Variants in HSDL2 observed in about 807,000 individuals in gnomAD.
HSDL2 encodes hydroxysteroid dehydrogenase-like protein 2.
In HSDL2, 27 loss-of-function variants were observed where a neutral mutation model predicts 46.3. The observed-to-expected ratio is 0.58, with a 90% confidence interval of 0.43 to 0.80. The LOEUF is 0.80. HSDL2 is among the 30% of genes least tolerant of loss of function. The pLI is 0.00. For missense variants in HSDL2, 451 were observed against 502.7 expected, an observed-to-expected ratio of 0.90 and a Z score of 0.98; for synonymous variants, 153 against 163.6, an observed-to-expected ratio of 0.94 and a Z score of 0.50.
chr9:112,429,807 T>C (rs1832342919), intron 6 of HSDL2, among the ~76,000 whole-genome samples: 1 of 152,170 alleles, frequency 6.6e-6, no homozygotes, highest in Non-Finnish European at 1.5e-5. Context: ...AGGTTTGGCA[T>C]TAGGCCAGGA....
intron 6 of HSDL2, among the ~76,000 whole-genome samples, chr9:112,437,885 T>G (rs985285057): frequency 1.3e-5 from 2 of 152,228 alleles, no homozygotes; most frequent in Non-Finnish European, 2.9e-5. Context: ...TGGTTTGGTC[T>G]GTAGTATAAG....
At position 112,416,820 on chromosome 9, in the gene HSDL2, T is replaced by A. The variant is rs1014870383; in HGVS notation, c.396-21T>A. Reference sequence around the variant, plus strand: ...TGTTAGAAAGCTATTAAATTTGGCTTGTATTTTCTTTTGCTTTCAGATCTA... The same window carrying A: ...TGTTAGAAAGCTATTAAATTTGGCTAGTATTTTCTTTTGCTTTCAGATCTA... On this transcript the variant is annotated intron_variant, in intron 4 of 10. Transcript: ENST00000398805. 8.4e-6 allele frequency: 10 copies of A among 1,191,522 alleles called. No individual in the cohort carries two copies. In the Admixed American group the frequency reaches 1.8e-4, roughly 22 times the overall value. The allele number at this position is 1,191,522 out of a possible 1,614,324, so 73.8% of individuals were successfully genotyped here. A position where few individuals can be genotyped will look rare whatever the true frequency, so the allele number is the denominator to read the frequency against.
At chr9:112,461,499 G>A (rs1474650790) in intron 10 of HSDL2, among the ~76,000 whole-genome samples, 2 of 152,120 alleles carry the variant, frequency 1.3e-5, no homozygotes, top group Non-Finnish European at 2.9e-5. Context: ...TTGGTGAATC[G>A]GAATCTTATA....
intron 4 of HSDL2, among the ~76,000 whole-genome samples, chr9:112,412,427 T>C (rs1482223272): frequency 1.3e-5 from 2 of 152,222 alleles, no homozygotes; most frequent in Non-Finnish European, 2.9e-5. Flanking sequence ...TTTAGACTTA[T>C]TAAAATCTAA....
Position 112,438,599 on chromosome 9 carries a change from A to T in HSDL2, c.767A>T (p.Asn256Ile). The T allele has an allele frequency of 1.9e-6, 3 of 1,599,404 alleles. No individual in the cohort carries two copies. The highest frequency in any genetic ancestry group is 2.6e-6 in the Non-Finnish European group (3 of 1,172,754). Residue 256 changes from asparagine to isoleucine, a missense_variant, in exon 7 of 11, where the codon AAT becomes ATT. Transcript: ENST00000398805. ...ATCTTAAAAGAAGAAGGAATAGAAA[A>T]TTTTGACGTTTATGCAATTAAACCA... Reference protein sequence around the residue: ...ENILKEEGIENFDVYAIKPGH... With the variant: ...ENILKEEGIEIFDVYAIKPGH...
intron 6 of HSDL2, among the ~76,000 whole-genome samples, chr9:112,426,380 C>T (rs1054873307): frequency 3.3e-5 from 5 of 152,006 alleles, no homozygotes; most frequent in African/African-American, 9.7e-5. Context: ...GGACTTCAGG[C>T]GCCTTTCACT....
intron 10 of HSDL2, among the ~76,000 whole-genome samples, chr9:112,466,801 A>G (rs1833404435): frequency 6.6e-6 from 1 of 152,078 alleles, no homozygotes; most frequent in Non-Finnish European, 1.5e-5. Flanking sequence ...AAGAGTTTTG[A>G]GTTTTACCTC....
At chr9:112,464,040 G>A (rs997231789) in intron 10 of HSDL2, among the ~76,000 whole-genome samples, 2 of 151,644 alleles carry the variant, frequency 1.3e-5, no homozygotes, top group Admixed American at 1.3e-4. Flanking sequence ...CTTATATTGG[G>A]TGAATTGTCT....
intron 8 of HSDL2, among the ~76,000 whole-genome samples, chr9:112,450,665 A>AT (rs1327576260): frequency 6.6e-6 from 1 of 151,834 alleles, no homozygotes; most frequent in Non-Finnish European, 1.5e-5. Context: ...TCAAAGAAAA[A>AT]TTTTAAAGTC....
intron 4 of HSDL2, among the ~76,000 whole-genome samples, chr9:112,412,711 T>C (rs563257528): frequency 6.6e-6 from 1 of 152,316 alleles, no homozygotes; most frequent in South Asian, 2.1e-4. Context: ...TGGAAGCCCA[T>C]TTGGCAAAAA....
In HSDL2 at chr9:112,435,901, A is replaced by AT. The variant is rs750527825; in HGVS notation, c.599-2520dup. On this transcript the variant is annotated intron_variant, in intron 6 of 10. Coordinates refer to ENST00000398805, the MANE Select transcript of HSDL2 (RefSeq NM_032303.5). ...GCTCTAGCCACAACATTCAGCTGCT[A>AT]TTTTTTTTTTATTATTAATAAAGGA... is the stretch of plus-strand genomic sequence containing the variant. Among the ~76,000 whole-genome samples, 549 of 148,736 alleles carry AT rather than the reference A, an allele frequency of 3.7e-3. 6 individuals are homozygous for AT. Among genetic ancestry groups the AT allele is most frequent in the Middle Eastern group, 0.014 (4 of 288 alleles).
intron 9 of HSDL2, among the ~76,000 whole-genome samples, chr9:112,455,879 C>T (rs1833006874): frequency 6.6e-6 from 1 of 152,190 alleles, no homozygotes; most frequent in African/African-American, 2.4e-5. Context: ...TTGCCTCCTT[C>T]CCTCTTAGTA....
In HSDL2 at chr9:112,418,898, C is replaced by T. The variant is rs370811576; in HGVS notation, c.538C>T (p.Leu180Phe). 3 of 1,604,932 alleles carry T rather than the reference C, an allele frequency of 1.9e-6. No homozygotes were observed. The African/African-American group carries it at 4.0e-5, about 22-fold the overall frequency. ...IAKYGMSMYVLGMAEEFKGEI... is the reference protein window; with the variant it reads ...IAKYGMSMYVFGMAEEFKGEI... ...TAAGTATGGTATGTCTATGTATGTG[C>T]TTGGAATGGCAGAAGAATTTAAAGG... The change falls in exon 6 of 11, where the codon CTT (leucine) becomes TTT (phenylalanine). Residue 180 changes from leucine (L) to phenylalanine (F), a missense_variant. Leu to Phe is a conservative substitution (Grantham distance 22). Coordinates refer to ENST00000398805, the MANE Select transcript of HSDL2 (RefSeq NM_032303.5).
intron 5 of HSDL2, among the ~76,000 whole-genome samples, chr9:112,417,204 A>G (rs1045176512): frequency 6.6e-6 from 1 of 152,232 alleles, no homozygotes; most frequent in Non-Finnish European, 1.5e-5. Context: ...TATATAACCA[A>G]CACCCAAATC....
At chr9:112,399,180 A>G (rs1410366324) in intron 1 of HSDL2, among the ~76,000 whole-genome samples, 1 of 152,188 alleles carries the variant, frequency 6.6e-6, no homozygotes, top group Non-Finnish European at 1.5e-5. Context: ...CAGTACAAAG[A>G]GAGGAATTTT....
intron 6 of HSDL2, among the ~76,000 whole-genome samples, chr9:112,420,687 C>T (rs997014104): frequency 2.6e-5 from 4 of 152,066 alleles, no homozygotes; most frequent in Non-Finnish European, 4.4e-5. Context: ...CCCACTTCCC[C>T]TTTGTCCCGA....
chr9:112,445,907 T>G (rs971996173), intron 8 of HSDL2, among the ~76,000 whole-genome samples: 1 of 152,170 alleles, frequency 6.6e-6, no homozygotes, highest in Non-Finnish European at 1.5e-5. Context: ...ATCCCACACA[T>G]GCATTACTTC....
Position 112,454,064 on chromosome 9 carries a change from G to T in HSDL2, c.917G>T (p.Arg306Leu). 1 of 1,613,996 alleles carries T rather than the reference G, an allele frequency of 6.2e-7. No individual in the cohort carries two copies. The highest frequency in any genetic ancestry group is 8.5e-7 in the Non-Finnish European group (1 of 1,179,902). The change falls in exon 9 of 11, where the codon CGT becomes CTT. Residue 306 changes from arginine to leucine, a missense_variant. Transcript: ENST00000398805. Reference protein sequence around the residue: ...EEKLQLQPKPRSGAVEETFRI... With the variant: ...EEKLQLQPKPLSGAVEETFRI... Reference sequence around the variant, plus strand: ...AAACTGCAGCTGCAACCAAAACCACGTTCTGGAGCTGTGGAAGAAACATTT... The same window carrying T: ...AAACTGCAGCTGCAACCAAAACCACTTTCTGGAGCTGTGGAAGAAACATTT...
chr9:112,447,284 G>GT (rs1374382939), intron 8 of HSDL2, among the ~76,000 whole-genome samples: 1 of 151,644 alleles, frequency 6.6e-6, no homozygotes, highest in South Asian at 2.1e-4. Flanking sequence ...TCTATCACAG[G>GT]TTTTTTTTGT....
Sources: gnomAD v4.1 joint callset for allele counts (sites outside exome capture counted in the v4.1 genomes callset) on GRCh38, gnomAD v4.1.1 for gene constraint, MANE v1.5 for transcripts, NCBI Gene and HGNC (gene_info 2026-07-23, HGNC 2026-07-21) for gene names.